CDS2: variants seen among roughly 807,000 people sequenced by gnomAD.
The protein encoded by CDS2 is CDP-diacylglycerol synthase 2, also known as phosphatidate cytidylyltransferase 2.
CDS2 carries 47 observed loss-of-function variants against 59.0 expected under a neutral mutation model. The ratio of observed to expected loss-of-function variants is 0.80; its 90% CI spans 0.63 to 1.02. CDS2 has a LOEUF of 1.02. Among genes scored for constraint, CDS2 ranks in the 50% least tolerant of loss-of-function variants. The pLI is 0.00. For missense variants in CDS2, 356 were observed against 558.9 expected (o/e 0.64, Z 3.66); for synonymous variants, 207 against 206.4 (o/e 1.00, Z -0.02).
intron 1 of CDS2, among the ~76,000 whole-genome samples, chr20:5,152,200 A>T (rs969110311): frequency 2.0e-4 from 31 of 151,892 alleles, no homozygotes; most frequent in African/African-American, 5.8e-4. Context: ...CCTGGTGCTG[A>T]TAAACTAACT....
At chr20:5,185,094 A>C in intron 8 of CDS2, 149 bp downstream of exon 8, 1 of 643,510 alleles carries the variant, frequency 1.6e-6, no homozygotes, top group Admixed American at 2.7e-5. Flanking sequence ...CCAAAGGAAA[A>C]CACTGACAAC....
At chr20:5,133,379 G>A (rs192930654) in intron 1 of CDS2, among the ~76,000 whole-genome samples, 2 of 152,096 alleles carry the variant, frequency 1.3e-5, no homozygotes, top group African/African-American at 4.8e-5. Flanking sequence ...AGTCTCCTGA[G>A]TAGCTCAGGA....
chr20:5,131,331 A>G lies in CDS2; in HGVS notation c.57+4182A>G, dbSNP rs35156274. ...GTTCTCCTCTGGGAACTGTGCTTAT[A>G]ATTTTAAAGTCCCAAAGCACAGTAT... On this transcript the variant is annotated intron_variant, in intron 1 of 12. Coordinates refer to ENST00000460006, the MANE Select transcript of CDS2 (RefSeq NM_003818.4). Among the ~76,000 whole-genome samples, 1,160 of 152,342 alleles carry G rather than the reference A, an allele frequency of 7.6e-3. 10 individuals carry two copies. Among genetic ancestry groups the G allele is most frequent in the Middle Eastern group, 0.051 (15 of 294 alleles).
At chr20:5,168,340 G>A (rs1375281523) in intron 1 of CDS2, among the ~76,000 whole-genome samples, 2 of 151,282 alleles carry the variant, frequency 1.3e-5, no homozygotes, top group South Asian at 2.1e-4. Flanking sequence ...GCTTGAACCC[G>A]GGAGGTGGAG....
intron 1 of CDS2, among the ~76,000 whole-genome samples, chr20:5,162,260 A>T (rs1211009916): frequency 6.6e-6 from 1 of 152,196 alleles, no homozygotes; most frequent in Non-Finnish European, 1.5e-5. Flanking sequence ...GCTCAAAGGA[A>T]ATGCTCATTG....
intron 10 of CDS2, among the ~76,000 whole-genome samples, chr20:5,188,723 T>C (rs2091089251): frequency 6.6e-6 from 1 of 152,214 alleles, no homozygotes; most frequent in African/African-American, 2.4e-5. Flanking sequence ...GGCTGCTGCC[T>C]GGCTTCTGGT....
intron 1 of CDS2, among the ~76,000 whole-genome samples, chr20:5,156,377 G>C (rs1298806451): frequency 6.6e-6 from 1 of 152,158 alleles, no homozygotes; most frequent in African/African-American, 2.4e-5. Context: ...GGTTGTTTTT[G>C]AACCCACTGA....
intron 5 of CDS2, among the ~76,000 whole-genome samples, chr20:5,181,722 A>G (rs1043745795): frequency 1.3e-5 from 2 of 152,320 alleles, no homozygotes; most frequent in Middle Eastern, 3.4e-3. Context: ...ATAGCCTCCT[A>G]CACACCTAGG....
chr20:5,169,745 T>A (rs776963388), intron 1 of CDS2, among the ~76,000 whole-genome samples: 4 of 152,258 alleles, frequency 2.6e-5, no homozygotes, highest in Non-Finnish European at 4.4e-5. Flanking sequence ...GGCAGATGGT[T>A]CAGCTTCAGA....
chr20:5,184,959 C>G lies in CDS2; in HGVS notation c.759+14C>G, dbSNP rs778913142. 6.3e-7 allele frequency: 1 copy of G among 1,586,574 alleles called. No individual in the cohort carries two copies. Among genetic ancestry groups the G allele is most frequent in the Non-Finnish European group, 8.7e-7 (1 of 1,155,000 alleles). ...CCACTCATCAAGGTAAATGGATTAC[C>G]CTAATGTGAAATACCACTGTGAGGG... On this transcript the variant is annotated intron_variant, in intron 8 of 12. Coordinates refer to ENST00000460006, the MANE Select transcript of CDS2 (RefSeq NM_003818.4). The surrounding 1 kb of genome is among the most constrained non-coding windows in gnomAD (Gnocchi z 4.3).
At chr20:5,181,381 T>C (rs2091032497) in intron 5 of CDS2, among the ~76,000 whole-genome samples, 1 of 152,156 alleles carries the variant, frequency 6.6e-6, no homozygotes, top group South Asian at 2.1e-4. Flanking sequence ...ACCAGAAAGA[T>C]GTTACCAGAA....
At position 5,184,106 on chromosome 20, in the gene CDS2, G is replaced by A. The variant is rs2091050554; in HGVS notation, c.672-752G>A. ...AACCTGGGGGTGGAGGTTGCAGTGA[G>A]CCGAGATTGTGTCACTGCACTCCAG... On this transcript the variant is annotated intron_variant, in intron 7 of 12. Coordinates refer to ENST00000460006, the MANE Select transcript of CDS2 (RefSeq NM_003818.4). This position sits in a 1 kb window ranked among gnomAD's most constrained non-coding sequence, Gnocchi z 4.3. Among the ~76,000 whole-genome samples, 1 of 152,196 alleles carries A rather than the reference G, an allele frequency of 6.6e-6. No individual in the cohort carries two copies. Among genetic ancestry groups the A allele is most frequent in the Non-Finnish European group, 1.5e-5 (1 of 68,034 alleles).
At chr20:5,148,509 C>T (rs1174894812) in intron 1 of CDS2, among the ~76,000 whole-genome samples, 1 of 152,128 alleles carries the variant, frequency 6.6e-6, no homozygotes, top group Non-Finnish European at 1.5e-5. Context: ...GTAGGCTGGC[C>T]AGATGTCTGA....
At chr20:5,173,741 G>A (rs1030963539) in intron 2 of CDS2, 82 bp downstream of exon 2, 14 of 1,552,954 alleles carry the variant, frequency 9.0e-6, no homozygotes, top group Non-Finnish European at 1.1e-5. Context: ...CAGAGAGCCC[G>A]TGGTCTTGCA....
At chr20:5,175,442 C>T in intron 3 of CDS2, 163 bp downstream of exon 3, 1 of 597,422 alleles carries the variant, frequency 1.7e-6, no homozygotes, top group South Asian at 1.9e-5. Context: ...TTCTCAGTAG[C>T]CACCTGGAGG....
chr20:5,129,500 T>C (rs947124027), intron 1 of CDS2, among the ~76,000 whole-genome samples: 1 of 151,450 alleles, frequency 6.6e-6, no homozygotes, highest in Non-Finnish European at 1.5e-5. Flanking sequence ...TGGAGTGCAA[T>C]GGCATGATGT....
intron 1 of CDS2, among the ~76,000 whole-genome samples, chr20:5,166,961 C>T (rs2090917752): frequency 6.6e-6 from 1 of 152,144 alleles, no homozygotes. Flanking sequence ...TTTGTTGAGC[C>T]TGCCTAGATG....
Position 5,194,377 on chromosome 20 carries a change from T to C in CDS2, c.*4143T>C, listed in dbSNP as rs1256568289. 1 of 152,250 alleles carries C rather than the reference T, an allele frequency of 6.6e-6. No individual in the cohort carries two copies. The highest frequency in any genetic ancestry group is 2.4e-5 in the African/African-American group (1 of 41,464). The allele number at this position is 152,250 out of a possible 1,614,324, so 9.4% of individuals were successfully genotyped here. A position where few individuals can be genotyped will look rare whatever the true frequency, so the allele number is the denominator to read the frequency against. ...AGGGCTCTGCCTGGCCCACCTTCTC[T>C]TGGGCCTGGACTCTCCTTATCCACA... On this transcript the variant is annotated 3_prime_UTR_variant, in exon 13 of 13. Transcript: ENST00000460006.
chr20:5,181,287 GA>G (rs1302164710), intron 5 of CDS2, among the ~76,000 whole-genome samples: 1 of 152,144 alleles, frequency 6.6e-6, no homozygotes, highest in Non-Finnish European at 1.5e-5. Context: ...CTAAATTGCA[GA>G]AAAAAACCAA....
Sources: gnomAD v4.1 joint callset for allele counts (sites outside exome capture counted in the v4.1 genomes callset) on GRCh38, gnomAD v4.1.1 for gene constraint, Gnocchi (gnomAD v3.1) non-coding constraint, MANE v1.5 for transcripts, NCBI Gene and HGNC (gene_info 2026-07-23, HGNC 2026-07-21) for gene names.